Variants in TRAPPC13 observed in about 807,000 individuals in gnomAD.
The protein encoded by TRAPPC13 is trafficking protein particle complex subunit 13, also known as REV7-interacting novel NHEJ regulator 1.
A neutral mutation model predicts 54.0 loss-of-function variants in TRAPPC13; 39 were observed. The observed-to-expected ratio is 0.72, with a 90% CI of 0.56 to 0.94. The LOEUF (loss-of-function observed/expected upper bound fraction) is 0.94, where lower values mean the gene tolerates loss of function less well. TRAPPC13 is among the 40% of genes least tolerant of loss of function. TRAPPC13 has a pLI of 0.00. For synonymous variants in TRAPPC13, 148 were observed against 167.7 expected, an observed-to-expected ratio of 0.88 and a Z score of 0.91; for missense variants, 386 against 488.1, an observed-to-expected ratio of 0.79 and a Z score of 1.97.
intron 3 of TRAPPC13, among the ~76,000 whole-genome samples, chr5:65,637,189 A>C (rs1755780011): frequency 6.6e-6 from 1 of 152,370 alleles, no homozygotes; most frequent in East Asian, 1.9e-4. Context: ...CATGTTCTAT[A>C]GATTACGTCT....
rs537860390 is a variant in TRAPPC13 at position 65,654,387 on chromosome 5, TAACA to T, written c.547-1245_547-1242del. Among the ~76,000 whole-genome samples the T allele has an allele frequency of 9.8e-4, 150 of 152,334 alleles. 3 individuals carry two copies. In the South Asian group the frequency reaches 0.031, roughly 31 times the overall value. The stretch of plus-strand genomic sequence containing the variant: ...TGTTGACATAATCTTTAAATCTTGC[TAACA>T]AACTTCAATCAAAATAATTTCAGTA... On this transcript the variant is annotated intron_variant, in intron 7 of 12. Transcript: ENST00000399438.
chr5:65,649,323 A>G (rs2150681516), intron 5 of TRAPPC13, among the ~76,000 whole-genome samples: 1 of 152,322 alleles, frequency 6.6e-6, no homozygotes, highest in East Asian at 1.9e-4. Context: ...TGTTAAAAGT[A>G]ACACAGAGAT....
chr5:65,635,347 A>G lies in TRAPPC13; in HGVS notation c.93A>G (p.Thr31=). ...KPTLFTNIPV[T]CEEKDLPGDL... is the part of the protein sequence containing the mutation. ...CTTTATTCACCAATATCCCAGTAACATGTGAAGAGAAAGACTTACCTGGTA... is the reference window on the plus strand; with the variant it reads ...CTTTATTCACCAATATCCCAGTAACGTGTGAAGAGAAAGACTTACCTGGTA... Residue 31 remains threonine, a synonymous_variant, in exon 2 of 13, where the codon ACA becomes ACG. Coordinates refer to ENST00000399438, the MANE Select transcript of TRAPPC13 (RefSeq NM_024941.4). 1 of 1,613,526 alleles carries G rather than the reference A, an allele frequency of 6.2e-7. No individual in the cohort carries two copies. The highest frequency in any genetic ancestry group is 8.5e-7 in the Non-Finnish European group (1 of 1,179,604).
chr5:65,635,391 A>G (rs368893091), intron 2 of TRAPPC13, 22 bp downstream of exon 2: 5 of 1,595,942 alleles, frequency 3.1e-6, no homozygotes, highest in Non-Finnish European at 3.4e-6. Flanking sequence ...GCTTTCCTCT[A>G]TTTGCACCTA....
intron 1 of TRAPPC13, chr5:65,629,409 C>A: frequency 8.0e-7 from 1 of 1,250,380 alleles, no homozygotes; most frequent in East Asian, 2.8e-5. Context: ...TTTCTCCCTG[C>A]CTGTTGGTAG....
At chr5:65,643,532 G>T (rs971766683) in intron 4 of TRAPPC13, among the ~76,000 whole-genome samples, 10 of 151,960 alleles carry the variant, frequency 6.6e-5, no homozygotes, top group African/African-American at 2.4e-4. Flanking sequence ...AAAGACTGCT[G>T]TTTCGGCTGG....
intron 4 of TRAPPC13, among the ~76,000 whole-genome samples, 190 bp downstream of exon 4, chr5:65,637,970 T>A (rs1278628720): frequency 6.6e-6 from 1 of 151,434 alleles, no homozygotes; most frequent in Non-Finnish European, 1.5e-5. Flanking sequence ...AATACAAAAA[T>A]TAGCCAGGTG....
intron 1 of TRAPPC13, chr5:65,625,595 C>T (rs1271872300): frequency 6.5e-6 from 1 of 153,300 alleles, no homozygotes; most frequent in Admixed American, 6.5e-5. Flanking sequence ...TACTTCAAAT[C>T]ACTGTGTATG....
chr5:65,630,358 C>T, intron 1 of TRAPPC13: 5 of 1,467,132 alleles, frequency 3.4e-6, no homozygotes, highest in Non-Finnish European at 4.5e-6. Flanking sequence ...CACTGATTGT[C>T]AAAAAGAATA....
At chr5:65,660,664 A>G in intron 9 of TRAPPC13, 35 bp from the exon 10 acceptor site, 2 of 1,516,702 alleles carry the variant, frequency 1.3e-6, no homozygotes, top group Non-Finnish European at 8.8e-7. Flanking sequence ...AAGATGCTAG[A>G]GAATTTTCTC....
chr5:65,636,983 A>G (rs776975607), intron 3 of TRAPPC13, among the ~76,000 whole-genome samples: 1 of 152,252 alleles, frequency 6.6e-6, no homozygotes, highest in Non-Finnish European at 1.5e-5. Context: ...AATAAAATAA[A>G]TTGGTAAAAA....
intron 4 of TRAPPC13, among the ~76,000 whole-genome samples, chr5:65,640,025 A>G (rs1755904724): frequency 6.6e-6 from 1 of 152,148 alleles, no homozygotes; most frequent in Non-Finnish European, 1.5e-5. Flanking sequence ...AATAGACCCA[A>G]CTTCCAGAAA....
At chr5:65,639,887 A>G (rs1755900098) in intron 4 of TRAPPC13, among the ~76,000 whole-genome samples, 1 of 152,216 alleles carries the variant, frequency 6.6e-6, no homozygotes, top group Non-Finnish European at 1.5e-5. Flanking sequence ...TGTGGGGGAG[A>G]GGTTTTTGTA....
chr5:65,642,264 G>A (rs929304246), intron 4 of TRAPPC13, among the ~76,000 whole-genome samples: 6 of 151,848 alleles, frequency 4.0e-5, no homozygotes, highest in Admixed American at 2.0e-4. Context: ...CGGAGGTTGC[G>A]GTGAGCCGAG....
rs755915868 is a variant in TRAPPC13 at position 65,637,740 on chromosome 5, A to G, written c.260A>G (p.His87Arg). 1 of 1,576,678 alleles carries G rather than the reference A, an allele frequency of 6.3e-7. No individual in the cohort carries two copies. The highest frequency in any genetic ancestry group is 8.6e-7 in the Non-Finnish European group (1 of 1,157,570). ...ACCTTTTCCAGTTATATCAGCGTTC[A>G]TAATGATAGCAATCAAGTTGTAAAA... ...GETFSSYISV[H>R]NDSNQVVKDI... is the part of the protein sequence containing the mutation. The change falls in exon 4 of 13, where the codon CAT becomes CGT. Residue 87 changes from histidine to arginine, a missense_variant. Coordinates refer to ENST00000399438, the MANE Select transcript of TRAPPC13 (RefSeq NM_024941.4).
rs147601695 is a variant in TRAPPC13, at chr5:65,629,192, G to A, written c.46+4086G>A. Among the ~76,000 whole-genome samples, 522 of 151,922 alleles carry A rather than the reference G, an allele frequency of 3.4e-3. 2 individuals carry two copies. Among genetic ancestry groups the A allele is most frequent in the Non-Finnish European group, 5.8e-3 (394 of 67,954 alleles). On this transcript the variant is annotated intron_variant, in intron 1 of 12. Coordinates refer to ENST00000399438, the MANE Select transcript of TRAPPC13 (RefSeq NM_024941.4). ...TATTATTACTTAATATATTAATATC[G>A]ATACTTCCAAGTCCTTTATATCTAT... is the stretch of plus-strand genomic sequence containing the variant.
chr5:65,643,031 T>C (rs544169824), intron 4 of TRAPPC13, among the ~76,000 whole-genome samples: 1 of 152,340 alleles, frequency 6.6e-6, no homozygotes, highest in Non-Finnish European at 1.5e-5. Flanking sequence ...GAAAATACTT[T>C]GCAGAATTGC....
intron 1 of TRAPPC13, among the ~76,000 whole-genome samples, chr5:65,633,024 G>C (rs920358554): frequency 6.6e-6 from 1 of 152,202 alleles, no homozygotes; most frequent in Admixed American, 6.5e-5. Context: ...TTGGAAAGGA[G>C]TGCTATAAAC....
Position 65,640,672 on chromosome 5 carries a change from A to T in TRAPPC13, c.300+2892A>T, listed in dbSNP as rs149798322. On this transcript the variant is annotated intron_variant, in intron 4 of 12. Coordinates refer to ENST00000399438, the MANE Select transcript of TRAPPC13 (RefSeq NM_024941.4). The stretch of plus-strand genomic sequence containing the variant: ...ATATTGAATTTCTTGGAATTCAGTA[A>T]ATACTGGCAATTCAGTAAATTCAGT... Among the ~76,000 whole-genome samples, 941 of 152,326 alleles carry T rather than the reference A, an allele frequency of 6.2e-3. 12 individuals are homozygous for T. The highest frequency in any genetic ancestry group is 0.021 in the African/African-American group (887 of 41,572).
Sources: gnomAD v4.1 joint callset for allele counts (sites outside exome capture counted in the v4.1 genomes callset) on GRCh38, gnomAD v4.1.1 for gene constraint, MANE v1.5 for transcripts, NCBI Gene and HGNC (gene_info 2026-07-23, HGNC 2026-07-21) for gene names.